The following DUSP4 variants were observed in gnomAD, a reference collection of about 807,000 sequenced individuals.
DUSP4 encodes the protein dual specificity phosphatase 4, also known as dual specificity protein phosphatase 4.
DUSP4 carries 12 observed loss-of-function variants against 27.2 expected under a neutral mutation model. That is an observed-to-expected ratio of 0.44 (90% CI 0.28 to 0.71). The LOEUF is 0.71. Among genes scored for constraint, DUSP4 ranks in the 30% least tolerant of loss-of-function variants. The pLI is 0.14. For synonymous variants in DUSP4, 257 were observed against 245.2 expected, an observed-to-expected ratio of 1.05 and a Z score of -0.45; for missense variants, 448 against 551.3, an observed-to-expected ratio of 0.81 and a Z score of 1.88.
intron 2 of DUSP4, 22 bp from the exon 3 acceptor site, chr8:29,338,523 G>T: frequency 6.2e-7 from 1 of 1,607,154 alleles, no homozygotes; most frequent in Non-Finnish European, 8.5e-7. Flanking sequence ...GGGAAACAAA[G>T]GCCCCTGAAT....
In DUSP4 at chr8:29,333,684, A is replaced by C. The variant is rs1176457067; in HGVS notation, c.*3342T>G. On this transcript the variant is annotated 3_prime_UTR_variant, in exon 4 of 4. Coordinates refer to ENST00000240100, the MANE Select transcript of DUSP4 (RefSeq NM_001394.7). ...CCAAGCTCGGCTGCACAGGGAAAAC[A>C]CCCGGGGAGCTACGAAACACACTGA... The C allele has an allele frequency of 6.6e-6, 1 of 152,320 alleles. No individual in the cohort carries two copies. Among genetic ancestry groups the C allele is most frequent in the Non-Finnish European group, 1.5e-5 (1 of 68,142 alleles). 9.4% of individuals were successfully genotyped at this position (152,320 alleles called of 1,614,324 possible).
At chr8:29,345,510 G>T (rs1270835530) in intron 1 of DUSP4, 15 of 1,582,904 alleles carry the variant, frequency 9.5e-6, no homozygotes, top group Non-Finnish European at 1.3e-5. Flanking sequence ...GCTTCCGTTG[G>T]AGTGAACTTT....
chr8:29,348,248 C>A (rs779706963), intron 1 of DUSP4: 21 of 985,466 alleles, frequency 2.1e-5, no homozygotes, highest in Non-Finnish European at 2.5e-5. Flanking sequence ...CCCGGCCATT[C>A]GAGGGGACTT....
intron 1 of DUSP4, among the ~76,000 whole-genome samples, chr8:29,340,709 T>C (rs1817645521): frequency 6.6e-6 from 1 of 152,124 alleles, no homozygotes; most frequent in Non-Finnish European, 1.5e-5. Flanking sequence ...TGGTACAAAC[T>C]CTTCTGGATC....
chr8:29,340,247 T>C lies in DUSP4; in HGVS notation c.434-4A>G, dbSNP rs1817638347. 6.2e-7 allele frequency: 1 copy of C among 1,605,844 alleles called. No individual in the cohort carries two copies. Among genetic ancestry groups the C allele is most frequent in the African/African-American group, 1.3e-5 (1 of 74,316 alleles). ...GAGGAAAACCTCTCATAGCCGCCTG[T>C]AAAGGAGAAAGAAGCTCAGGTTAAT... On this transcript the variant is annotated splice_region_variant and splice_polypyrimidine_tract_variant and intron_variant, in intron 1 of 3. Coordinates refer to ENST00000240100, the MANE Select transcript of DUSP4 (RefSeq NM_001394.7).
At chr8:29,338,259 A>G in intron 3 of DUSP4, 23 bp downstream of exon 3, 1 of 1,612,864 alleles carries the variant, frequency 6.2e-7, no homozygotes, top group Non-Finnish European at 8.5e-7. Flanking sequence ...AAACCCAGGA[A>G]CCCCAGAGCA....
chr8:29,338,566 G>A (rs1390945322), intron 2 of DUSP4, 65 bp from the exon 3 acceptor site: 3 of 1,527,626 alleles, frequency 2.0e-6, no homozygotes, highest in Non-Finnish European at 1.8e-6. Context: ...CACAGGGAGT[G>A]GAAGCTTGTC....
At chr8:29,344,256 T>C (rs1323635973) in intron 1 of DUSP4, among the ~76,000 whole-genome samples, 2 of 152,242 alleles carry the variant, frequency 1.3e-5, no homozygotes, top group Non-Finnish European at 2.9e-5. Context: ...TTTTGCCAGC[T>C]CTGAAGCAGC....
At chr8:29,339,542 T>C (rs999831364) in intron 2 of DUSP4, among the ~76,000 whole-genome samples, 2 of 151,416 alleles carry the variant, frequency 1.3e-5, no homozygotes, top group African/African-American at 4.9e-5. Flanking sequence ...GACACGACGT[T>C]AGAGGCCAAG....
At chr8:29,349,639 C>T (rs911125211) in intron 1 of DUSP4, among the ~76,000 whole-genome samples, 7 of 152,214 alleles carry the variant, frequency 4.6e-5, no homozygotes, top group Non-Finnish European at 8.8e-5. Flanking sequence ...ACCGGAGAAA[C>T]CCGTCCGCAC....
Position 29,350,477 on chromosome 8 carries a change from C to CT in DUSP4, c.-200_-199insA. The CT allele has an allele frequency of 1.5e-6, 1 of 660,828 alleles. No individual in the cohort carries two copies. Among genetic ancestry groups the CT allele is most frequent in the Non-Finnish European group, 2.4e-6 (1 of 416,806 alleles). The allele number at this position is 660,828 out of a possible 1,614,324, so 40.9% of individuals were successfully genotyped here. A position where few individuals can be genotyped will look rare whatever the true frequency, so the allele number is the denominator to read the frequency against. ...CGCAGCCTCGCGGTCACATAGCAGT[C>CT]GGAGCGGCCTCGGGCGCCCAGCCGG... On this transcript the variant is annotated 5_prime_UTR_variant, in exon 1 of 4. Coordinates refer to ENST00000240100, the MANE Select transcript of DUSP4 (RefSeq NM_001394.7).
rs755232287 is a variant in DUSP4 at position 29,345,499 on chromosome 8, G to A, written c.433+4347C>T. On this transcript the variant is annotated intron_variant, in intron 1 of 3. Transcript: ENST00000240100. ...GGCGATCTGCTATGTTCAGCAAACT[G>A]GCTTCCGTTGGAGTGAACTTTTCTT... 14 of 1,593,506 alleles carry A rather than the reference G, an allele frequency of 8.8e-6. No individual in the cohort carries two copies. The African/African-American group carries it at 1.9e-4, about 22-fold the overall frequency.
intron 1 of DUSP4, chr8:29,345,759 C>T: frequency 7.6e-7 from 1 of 1,307,716 alleles, no homozygotes; most frequent in Non-Finnish European, 9.7e-7. Flanking sequence ...TCAAATTTCA[C>T]TCTCAATTTA....
In DUSP4 at chr8:29,336,656, C is replaced by A. The variant is rs1182916713; in HGVS notation, c.*370G>T. On this transcript the variant is annotated 3_prime_UTR_variant, in exon 4 of 4. Coordinates refer to ENST00000240100, the MANE Select transcript of DUSP4 (RefSeq NM_001394.7). Reference sequence around the variant, plus strand: ...CATCCCTTTGCCCTCCCTTCCTCCCCCTTTAGTAAAGCTGGTTGGGCACAT... The same window carrying A: ...CATCCCTTTGCCCTCCCTTCCTCCCACTTTAGTAAAGCTGGTTGGGCACAT... The A allele has an allele frequency of 5.4e-6, 1 of 184,864 alleles. No homozygotes were observed. The highest frequency in any genetic ancestry group is 1.1e-5 in the Non-Finnish European group (1 of 89,558). The allele number at this position is 184,864 out of a possible 1,614,324, so 11.5% of individuals were successfully genotyped here.
chr8:29,333,158 A>C lies in DUSP4; in HGVS notation c.*3868T>G, dbSNP rs1436635393. On this transcript the variant is annotated 3_prime_UTR_variant, in exon 4 of 4. Coordinates refer to ENST00000240100, the MANE Select transcript of DUSP4 (RefSeq NM_001394.7). ...TTCTAAAAAACAAAACCAAACAAAA[A>C]AAAAATCCCCTAAACTATATACATC... is the stretch of plus-strand genomic sequence containing the variant. The C allele has an allele frequency of 6.6e-6, 1 of 152,226 alleles. No individual in the cohort carries two copies. Among genetic ancestry groups the C allele is most frequent in the African/African-American group, 2.4e-5 (1 of 41,458 alleles). The allele number at this position is 152,226 out of a possible 1,614,324, so 9.4% of individuals were successfully genotyped here.
chr8:29,339,265 G>C (rs1018680873), intron 2 of DUSP4, among the ~76,000 whole-genome samples: 1 of 152,202 alleles, frequency 6.6e-6, no homozygotes, highest in African/African-American at 2.4e-5. Context: ...GGCAACAGTG[G>C]CTTAAATTTA....
At position 29,334,785 on chromosome 8, in the gene DUSP4, T is replaced by C. The variant is rs1439264120; in HGVS notation, c.*2241A>G. The C allele has an allele frequency of 6.6e-6, 1 of 152,310 alleles. No individual in the cohort carries two copies. 9.4% of individuals were successfully genotyped at this position (152,310 alleles called of 1,614,324 possible). ...ACTGTGTTGTCTCTAAATGGTTCCATTGTCTGGGAACTGAAACCCTCCATG... is the reference window on the plus strand; with the variant it reads ...ACTGTGTTGTCTCTAAATGGTTCCACTGTCTGGGAACTGAAACCCTCCATG... On this transcript the variant is annotated 3_prime_UTR_variant, in exon 4 of 4. Transcript: ENST00000240100.
intron 2 of DUSP4, among the ~76,000 whole-genome samples, chr8:29,339,373 G>C (rs914966688): frequency 6.6e-6 from 1 of 152,130 alleles, no homozygotes; most frequent in Admixed American, 6.5e-5. Context: ...CTTGGAGGGA[G>C]GGTGGGTGAC....
chr8:29,340,053 C>A (rs771396888), intron 2 of DUSP4, 45 bp downstream of exon 2: 1 of 1,545,522 alleles, frequency 6.5e-7, no homozygotes, highest in Non-Finnish European at 8.7e-7. Flanking sequence ...CTGGCCCCTA[C>A]GCTGTTCCTG....
Sources: allele counts gnomAD v4.1 joint callset (sites outside exome capture counted in the v4.1 genomes callset), GRCh38; gene constraint gnomAD v4.1.1; transcripts MANE v1.5; gene names NCBI Gene and HGNC (gene_info 2026-07-23, HGNC 2026-07-21).